CLEC1A: variants seen among roughly 807,000 people sequenced by gnomAD.
CLEC1A encodes C-type lectin domain family 1 member A.
CLEC1A carries 34 observed loss-of-function variants against 28.7 expected under a neutral mutation model. The ratio of observed to expected loss-of-function variants is 1.18; its 90% confidence interval spans 0.90 to 1.57. CLEC1A has a LOEUF of 1.57. Ranked by LOEUF, CLEC1A falls within the 40% of genes most tolerant of loss-of-function variation. The pLI is 0.00. For synonymous variants in CLEC1A, 116 were observed against 121.0 expected (o/e 0.96, Z 0.27); for missense variants, 385 against 339.5 (o/e 1.13, Z -1.05).
intron 1 of CLEC1A, among the ~76,000 whole-genome samples, chr12:10,095,690 C>T (rs7970083): frequency 0.76 from 114,894 of 152,116 alleles, 45,143 homozygotes; most frequent in Non-Finnish European, 0.88. Context: ...GTCTTCCTTT[C>T]GCTTAAACTC....
intron 1 of CLEC1A, among the ~76,000 whole-genome samples, chr12:10,090,697 C>T (rs139910494): frequency 1.6e-3 from 240 of 151,934 alleles, no homozygotes; most frequent in Non-Finnish European, 2.9e-3. Context: ...GTTAAAGTCT[C>T]GGAGAAGACA....
intron 1 of CLEC1A, among the ~76,000 whole-genome samples, chr12:10,091,340 T>A (rs1228402418): frequency 6.6e-6 from 1 of 152,180 alleles, no homozygotes; most frequent in East Asian, 1.9e-4. Context: ...TGACTTAAAC[T>A]ATTTAAGTTT....
chr12:10,098,141 C>T (rs1252039622), intron 1 of CLEC1A, among the ~76,000 whole-genome samples: 1 of 151,746 alleles, frequency 6.6e-6, no homozygotes, highest in Non-Finnish European at 1.5e-5. Context: ...CATATTAAAA[C>T]ACAGGCACTG....
chr12:10,098,573 T>C (rs1947807778), intron 1 of CLEC1A, among the ~76,000 whole-genome samples: 3 of 152,230 alleles, frequency 2.0e-5, no homozygotes, highest in African/African-American at 7.2e-5. Context: ...AGAACTGAAG[T>C]CATATTTTAG....
At chr12:10,084,821 CAAA>C (rs57574014) in intron 2 of CLEC1A, among the ~76,000 whole-genome samples, 7 of 83,766 alleles carry the variant, frequency 8.4e-5, no homozygotes, top group Admixed American at 6.4e-4. Context: ...GACTCTGTAT[CAAA>C]AAAAAAAAAA....
chr12:10,095,246 A>AT (rs1391834221), intron 1 of CLEC1A, among the ~76,000 whole-genome samples: 2 of 152,236 alleles, frequency 1.3e-5, no homozygotes, highest in Non-Finnish European at 2.9e-5. Context: ...TAGTACTGTA[A>AT]TTAATGTGAA....
chr12:10,086,728 T>C lies in CLEC1A; in HGVS notation c.214+2396A>G, dbSNP rs374798972. Reference sequence around the variant, plus strand: ...TTCACAGCTGAATTCCATCAGACATTCAAAGAAGAATTGGTACAAATATTA... The same window carrying C: ...TTCACAGCTGAATTCCATCAGACATCCAAAGAAGAATTGGTACAAATATTA... On this transcript the variant is annotated intron_variant, in intron 2 of 5. Coordinates refer to ENST00000315330, the MANE Select transcript of CLEC1A (RefSeq NM_016511.4). Among the ~76,000 whole-genome samples the C allele has an allele frequency of 7.2e-5, 11 of 152,282 alleles. No homozygotes were observed. In the East Asian group the frequency reaches 2.1e-3, roughly 29 times the overall value.
Position 10,098,958 on chromosome 12 carries a change from G to T in CLEC1A, c.-36C>A, listed in dbSNP as rs140055720. The T allele has an allele frequency of 7.3e-6, 11 of 1,504,408 alleles. No homozygotes were observed. Among genetic ancestry groups the T allele is most frequent in the Non-Finnish European group, 9.2e-6 (10 of 1,091,546 alleles). The allele number at this position is 1,504,408 out of a possible 1,614,324, so 93.2% of individuals were successfully genotyped here. On this transcript the variant is annotated 5_prime_UTR_variant, in exon 1 of 6. Transcript: ENST00000315330. ...ACAGCGGTGAGAGTGAAATGTGGTC[G>T]GATTGCCCTGGGCCGCCGGGCTACT...
Position 10,073,789 on chromosome 12 carries a change from A to G in CLEC1A, c.544-378T>C, listed in dbSNP as rs558633304. The stretch of plus-strand genomic sequence containing the variant: ...GGACATGGAAGAATATGGAGGGAAA[A>G]GTGCAGGAATGAGGTAGTAACCGTT... On this transcript the variant is annotated intron_variant, in intron 4 of 5. Coordinates refer to ENST00000315330, the MANE Select transcript of CLEC1A (RefSeq NM_016511.4). Among the ~76,000 whole-genome samples the G allele has an allele frequency of 1.4e-4, 21 of 152,322 alleles. No individual in the cohort carries two copies. In the South Asian group the frequency reaches 4.1e-3, roughly 30 times the overall value.
At chr12:10,090,578 A>T (rs970700861) in intron 1 of CLEC1A, among the ~76,000 whole-genome samples, 5 of 152,038 alleles carry the variant, frequency 3.3e-5, no homozygotes, top group Admixed American at 6.6e-5. Context: ...CTAGGTAGAG[A>T]TTTATATGAA....
chr12:10,091,655 T>TA (rs11407068), intron 1 of CLEC1A, among the ~76,000 whole-genome samples: 95,672 of 145,180 alleles, frequency 0.66, 32,969 homozygotes, highest in Non-Finnish European at 0.79. Context: ...CAGCAGAACA[T>TA]AAAAAAAAAA....
At chr12:10,074,563 G>C (rs556932597) in intron 4 of CLEC1A, among the ~76,000 whole-genome samples, 1 of 152,302 alleles carries the variant, frequency 6.6e-6, no homozygotes, top group East Asian at 1.9e-4. Context: ...ACCTGAGTTT[G>C]CAGTGTATGC....
intron 3 of CLEC1A, among the ~76,000 whole-genome samples, chr12:10,076,489 A>G (rs1188298067): frequency 5.9e-5 from 9 of 152,156 alleles, no homozygotes; most frequent in Admixed American, 5.9e-4. Flanking sequence ...TAAATAAATA[A>G]ATAAATAACT....
intron 1 of CLEC1A, among the ~76,000 whole-genome samples, chr12:10,089,880 A>G (rs1022750129): frequency 6.6e-6 from 1 of 152,214 alleles, no homozygotes; most frequent in African/African-American, 2.4e-5. Flanking sequence ...AGATGAATCT[A>G]AACTATTTTT....
rs140854986 is a variant in CLEC1A at position 10,095,858 on chromosome 12, G to T, written c.115+2950C>A. ...CTTGTTGTCTCTCTCCAAGACTCCT[G>T]CTTCTACCACTCTCTGCTATTCATC... is the stretch of plus-strand genomic sequence containing the variant. On this transcript the variant is annotated intron_variant, in intron 1 of 5. Transcript: ENST00000315330. Among the ~76,000 whole-genome samples the T allele has an allele frequency of 1.6e-3, 244 of 152,118 alleles. 1 individual carries two copies. Among genetic ancestry groups the T allele is most frequent in the African/African-American group, 5.8e-3 (239 of 41,498 alleles).
At chr12:10,094,548 A>G (rs1184028303) in intron 1 of CLEC1A, among the ~76,000 whole-genome samples, 2 of 151,952 alleles carry the variant, frequency 1.3e-5, no homozygotes, top group East Asian at 3.9e-4. Flanking sequence ...CTTTACAAAA[A>G]TTGAATTACC....
intron 2 of CLEC1A, among the ~76,000 whole-genome samples, chr12:10,086,548 A>G (rs1478400755): frequency 6.6e-6 from 1 of 152,146 alleles, no homozygotes; most frequent in East Asian, 1.9e-4. Flanking sequence ...GAAAGATCAC[A>G]AAGTCCAGAG....
At chr12:10,086,090 G>C (rs944542196) in intron 2 of CLEC1A, among the ~76,000 whole-genome samples, 2 of 152,062 alleles carry the variant, frequency 1.3e-5, no homozygotes, top group Non-Finnish European at 2.9e-5. Context: ...AATGATCTTT[G>C]GGTAAACAAC....
intron 1 of CLEC1A, among the ~76,000 whole-genome samples, chr12:10,093,421 A>G (rs1947734057): frequency 1.3e-5 from 2 of 151,488 alleles, no homozygotes; most frequent in African/African-American, 4.8e-5. Flanking sequence ...TAACCATACT[A>G]TAAAAGGCCT....
Sources: allele counts gnomAD v4.1 joint callset (sites outside exome capture counted in the v4.1 genomes callset), GRCh38; gene constraint gnomAD v4.1.1; transcripts MANE v1.5; gene names NCBI Gene and HGNC (gene_info 2026-07-23, HGNC 2026-07-21).